The following CTNND2 variants were observed in gnomAD, a reference collection of about 807,000 sequenced individuals.
CTNND2 encodes catenin delta 2, also known as catenin delta-2.
In CTNND2, 22 loss-of-function variants were observed where a neutral mutation model predicts 144.4. The observed-to-expected ratio is 0.15, with a 90% CI of 0.11 to 0.22. The LOEUF is 0.22. Ranked by LOEUF, CTNND2 falls within the 10% of genes least tolerant of loss-of-function variation. The probability of loss-of-function intolerance (pLI) is 1.00; values close to 1 mark genes in which losing one functional copy is unlikely to be tolerated. For missense variants in CTNND2, 1,353 were observed against 1,618.8 expected, an observed-to-expected ratio of 0.84 and a Z score of 2.82; for synonymous variants, 751 against 695.6, an observed-to-expected ratio of 1.08 and a Z score of -1.25.
At chr5:11,806,499 T>C (rs1467389575) in intron 1 of CTNND2, among the ~76,000 whole-genome samples, 1 of 152,158 alleles carries the variant, frequency 6.6e-6, no homozygotes, top group East Asian at 1.9e-4. Context: ...AGGTAGAATA[T>C]ATTCAATCAA....
At chr5:11,458,138 G>A (rs562621831) in intron 3 of CTNND2, among the ~76,000 whole-genome samples, 2 of 152,250 alleles carry the variant, frequency 1.3e-5, no homozygotes, top group Admixed American at 6.5e-5. Context: ...TTACTAAGTC[G>A]TTCAACTCCT....
intron 15 of CTNND2, among the ~76,000 whole-genome samples, chr5:11,096,803 C>CAGAG (rs375930798): frequency 0.19 from 28,323 of 148,970 alleles, 2,995 homozygotes; most frequent in Non-Finnish European, 0.26. Flanking sequence ...GAGAGAGAGA[C>CAGAG]AGAGAGAGAG....
chr5:11,348,734 C>G (rs763144506), intron 8 of CTNND2, among the ~76,000 whole-genome samples: 1 of 151,668 alleles, frequency 6.6e-6, no homozygotes, highest in Admixed American at 6.6e-5. Flanking sequence ...TCTCAAAGGA[C>G]CATGAATTAA....
intron 1 of CTNND2, among the ~76,000 whole-genome samples, chr5:11,807,751 A>G (rs952484720): frequency 6.6e-6 from 1 of 152,170 alleles, no homozygotes; most frequent in Non-Finnish European, 1.5e-5. Context: ...CAGAGGCATA[A>G]TGGTTCTGTC....
At chr5:11,313,784 A>C (rs1751225232) in intron 9 of CTNND2, among the ~76,000 whole-genome samples, 1 of 152,234 alleles carries the variant, frequency 6.6e-6, no homozygotes, top group Non-Finnish European at 1.5e-5. Context: ...TAATTGGCTT[A>C]TGGTTCCGCA....
At chr5:11,507,109 G>A (rs1014295894) in intron 3 of CTNND2, among the ~76,000 whole-genome samples, 2 of 152,202 alleles carry the variant, frequency 1.3e-5, no homozygotes, top group East Asian at 1.9e-4. Flanking sequence ...TAATAGGCTC[G>A]TACCTGGGAC....
chr5:11,011,405 T>C lies in CTNND2; in HGVS notation c.3084+6569A>G, dbSNP rs1741066360. 4.6e-5 allele frequency among the ~76,000 whole-genome samples: 7 copies of C among 151,988 alleles called. No homozygotes were observed. The South Asian group carries it at 1.2e-3, about 27-fold the overall frequency. On this transcript the variant is annotated intron_variant, in intron 18 of 21. Transcript: ENST00000304623. ...CTAATTTTTGTATTTTTAGTAGAGA[T>C]GGGGTTTTACCATGTTGGCCAGGCT...
intron 3 of CTNND2, among the ~76,000 whole-genome samples, chr5:11,466,035 G>A (rs1423479132): frequency 6.6e-6 from 1 of 152,104 alleles, no homozygotes; most frequent in Non-Finnish European, 1.5e-5. Context: ...AAGAGGTGGG[G>A]TTTTCACTCT....
chr5:11,112,334 T>A (rs553787109), intron 13 of CTNND2, among the ~76,000 whole-genome samples: 1 of 152,056 alleles, frequency 6.6e-6, no homozygotes, highest in East Asian at 1.9e-4. Flanking sequence ...AGTGATGTGA[T>A]GTGAGAAGGA....
intron 1 of CTNND2, among the ~76,000 whole-genome samples, chr5:11,775,270 G>C (rs1294964924): frequency 6.6e-6 from 1 of 152,174 alleles, no homozygotes; most frequent in Non-Finnish European, 1.5e-5. Context: ...CATTTGAATT[G>C]ACGAAAATTG....
chr5:11,061,019 A>G (rs975656796), intron 16 of CTNND2, among the ~76,000 whole-genome samples: 2 of 152,138 alleles, frequency 1.3e-5, no homozygotes, highest in Admixed American at 6.5e-5. Flanking sequence ...CCTGAGCTCT[A>G]AATGAATATT....
intron 3 of CTNND2, among the ~76,000 whole-genome samples, chr5:11,507,219 G>C (rs1478418276): frequency 6.6e-6 from 1 of 152,094 alleles, no homozygotes; most frequent in Non-Finnish European, 1.5e-5. Context: ...CATAATAATG[G>C]CTTTAAATGA....
chr5:11,507,396 G>A (rs143438444), intron 3 of CTNND2, among the ~76,000 whole-genome samples: 21 of 152,246 alleles, frequency 1.4e-4, no homozygotes, highest in East Asian at 1.4e-3. Flanking sequence ...AGATAAGGCT[G>A]GGAATGCCTT....
intron 7 of CTNND2, among the ~76,000 whole-genome samples, chr5:11,365,500 G>T (rs61750666): frequency 0.013 from 1,942 of 152,214 alleles, 46 homozygotes; most frequent in African/African-American, 0.044. Context: ...TTTACATTTA[G>T]CCTGCCTCTC....
intron 3 of CTNND2, among the ~76,000 whole-genome samples, chr5:11,461,086 T>G (rs1216624443): frequency 1.3e-5 from 2 of 152,026 alleles, no homozygotes; most frequent in Non-Finnish European, 2.9e-5. Context: ...CCGCTAGTCC[T>G]GCTTCATTGT....
At chr5:10,980,776 T>C (rs1737133286) in intron 21 of CTNND2, among the ~76,000 whole-genome samples, 1 of 152,102 alleles carries the variant, frequency 6.6e-6, no homozygotes, top group South Asian at 2.1e-4. Context: ...GGAAACATCA[T>C]TCTCAGGAAA....
chr5:11,876,604 G>A (rs757424453), intron 1 of CTNND2, among the ~76,000 whole-genome samples: 83 of 152,144 alleles, frequency 5.5e-4, no homozygotes, highest in Non-Finnish European at 1.1e-3. Flanking sequence ...GGGAAATAAA[G>A]CTGGGAGAAA....
intron 3 of CTNND2, among the ~76,000 whole-genome samples, chr5:11,413,281 A>C (rs1043416444): frequency 5.9e-5 from 9 of 152,212 alleles, no homozygotes; most frequent in African/African-American, 2.2e-4. Flanking sequence ...CTTAAAATAG[A>C]AATGTAATAA....
At chr5:11,643,776 AT>A (rs1377009771) in intron 2 of CTNND2, among the ~76,000 whole-genome samples, 2 of 152,146 alleles carry the variant, frequency 1.3e-5, no homozygotes, top group Non-Finnish European at 2.9e-5. Context: ...TCCCAAAAAA[AT>A]GCACTAATGT....
Sources: gnomAD v4.1 joint callset for allele counts (sites outside exome capture counted in the v4.1 genomes callset) on GRCh38, gnomAD v4.1.1 for gene constraint, MANE v1.5 for transcripts, NCBI Gene and HGNC (gene_info 2026-07-23, HGNC 2026-07-21) for gene names.